Variants in AFF1 observed in about 807,000 individuals in gnomAD.
The protein encoded by AFF1 is ALF transcription elongation factor 1, also known as AF4/FMR2 family member 1.
A neutral mutation model predicts 121.7 loss-of-function variants in AFF1; 48 were observed. The observed-to-expected ratio is 0.39, with a 90% confidence interval of 0.31 to 0.50. The LOEUF is 0.50. Among genes scored for constraint, AFF1 ranks in the 20% least tolerant of loss-of-function variants. The pLI is 0.76. For missense variants in AFF1, 1,523 were observed against 1,511.7 expected (o/e 1.01, Z -0.12); for synonymous variants, 613 against 563.0 (o/e 1.09, Z -1.26).
chr4:87,077,350 C>T (rs1722769857), intron 4 of AFF1, among the ~76,000 whole-genome samples: 1 of 152,046 alleles, frequency 6.6e-6, no homozygotes, highest in Non-Finnish European at 1.5e-5. Context: ...GTGCCCAGAG[C>T]ACCAAGGTGT....
chr4:86,956,796 C>G (rs1215154358), intron 2 of AFF1, among the ~76,000 whole-genome samples: 1 of 152,138 alleles, frequency 6.6e-6, no homozygotes, highest in Non-Finnish European at 1.5e-5. Context: ...CATAGATGTG[C>G]CATCTTGTAC....
intron 10 of AFF1, among the ~76,000 whole-genome samples, chr4:87,106,075 A>T (rs1725881996): frequency 1.3e-5 from 2 of 152,224 alleles, no homozygotes; most frequent in Admixed American, 1.3e-4. Flanking sequence ...ATCAGTATAG[A>T]TGTTAAAGAT....
chr4:87,113,471 A>G (rs529250611), intron 11 of AFF1, among the ~76,000 whole-genome samples: 3 of 152,026 alleles, frequency 2.0e-5, no homozygotes, highest in Non-Finnish European at 2.9e-5. Flanking sequence ...AGGTATTGCT[A>G]TGTTGCCCAG....
At chr4:86,991,935 G>A (rs866114600) in intron 2 of AFF1, among the ~76,000 whole-genome samples, 4 of 148,532 alleles carry the variant, frequency 2.7e-5, no homozygotes, top group African/African-American at 7.5e-5. Flanking sequence ...GACACTTCTC[G>A]AGAAAACCAA....
chr4:87,005,166 G>GT (rs1553915691), intron 2 of AFF1, among the ~76,000 whole-genome samples: 6 of 152,158 alleles, frequency 3.9e-5, no homozygotes, highest in Non-Finnish European at 8.8e-5. Flanking sequence ...TGGTAGAAAT[G>GT]GGGTCTCACC....
At chr4:87,097,042 C>T (rs1724945677) in intron 8 of AFF1, among the ~76,000 whole-genome samples, 1 of 152,146 alleles carries the variant, frequency 6.6e-6, no homozygotes, top group South Asian at 2.1e-4. Flanking sequence ...GATCAAGGAC[C>T]ACAACTGTAA....
At chr4:86,949,521 A>AATTATT (rs527785303) in intron 2 of AFF1, 3,106 of 236,206 alleles carry the variant, frequency 0.013, 73 homozygotes, top group East Asian at 0.053. Context: ...TCTATTTATT[A>AATTATT]ATTATTATTA....
In AFF1 at chr4:87,138,025, T is replaced by TG. The variant is rs972998470; in HGVS notation, c.*2327dup. On this transcript the variant is annotated 3_prime_UTR_variant, in exon 21 of 21. Transcript: ENST00000395146. ...GCTTTTTCAGTGGCCTTACTCTTTG[T>TG]GGGTTTTTTTTTTTTTCTCTGAACT... 1.7e-4 allele frequency: 35 copies of TG among 206,532 alleles called. No homozygotes were observed. The highest frequency in any genetic ancestry group is 6.3e-4 in the African/African-American group (24 of 37,914). 12.8% of individuals were successfully genotyped at this position (206,532 alleles called of 1,614,324 possible).
intron 4 of AFF1, among the ~76,000 whole-genome samples, chr4:87,062,921 A>G (rs989646480): frequency 3.3e-5 from 5 of 152,204 alleles, no homozygotes; most frequent in African/African-American, 1.2e-4. Flanking sequence ...GGCATTATAT[A>G]TAGGTAGTGG....
chr4:87,003,852 G>T (rs924987870), intron 2 of AFF1, among the ~76,000 whole-genome samples: 1 of 152,120 alleles, frequency 6.6e-6, no homozygotes, highest in African/African-American at 2.4e-5. Context: ...GAAAATATGC[G>T]TACAAAGGTA....
chr4:87,098,891 A>C (rs964302232), intron 8 of AFF1, among the ~76,000 whole-genome samples: 1 of 152,236 alleles, frequency 6.6e-6, no homozygotes, highest in Non-Finnish European at 1.5e-5. Context: ...GGTGAGTCTG[A>C]TACCTTTTCA....
In AFF1 at chr4:87,047,120, G is replaced by C. The variant is rs780329770; in HGVS notation, c.585G>C (p.Ser195=). Residue 195 remains serine (S), a synonymous_variant, in exon 4 of 21, where the codon TCG becomes TCC. Coordinates refer to ENST00000395146, the MANE Select transcript of AFF1 (RefSeq NM_001166693.3). ...DRRADGDHCA[S]VTDSAPEREL... The stretch of plus-strand genomic sequence containing the variant: ...GAGCTGACGGAGACCACTGTGCTTC[G>C]GTGACAGATTCGGCTCCAGAGAGGG... The C allele has an allele frequency of 1.2e-6, 2 of 1,614,160 alleles. No homozygotes were observed. Among genetic ancestry groups the C allele is most frequent in the Non-Finnish European group, 1.7e-6 (2 of 1,180,038 alleles).
At chr4:87,085,023 G>C (rs1468790623) in intron 5 of AFF1, among the ~76,000 whole-genome samples, 1 of 152,240 alleles carries the variant, frequency 6.6e-6, no homozygotes, top group African/African-American at 2.4e-5. Flanking sequence ...GTGGGAAGTA[G>C]ATGGTCATCT....
Position 87,138,184 on chromosome 4 carries a change from T to A in AFF1, c.*2483T>A, listed in dbSNP as rs1328936027. 3 of 232,712 alleles carry A rather than the reference T, an allele frequency of 1.3e-5. No individual in the cohort carries two copies. The highest frequency in any genetic ancestry group is 2.5e-5 in the Non-Finnish European group (3 of 117,704). 14.4% of individuals were successfully genotyped at this position (232,712 alleles called of 1,614,324 possible). ...GGAGAGTAACTAATGGTAACCTTTT[T>A]AATAGAGTATGTGAAAGGTAGTGGC... On this transcript the variant is annotated 3_prime_UTR_variant, in exon 21 of 21. Transcript: ENST00000395146.
chr4:87,026,797 A>G (rs1728577040), intron 2 of AFF1, among the ~76,000 whole-genome samples: 1 of 152,212 alleles, frequency 6.6e-6, no homozygotes, highest in South Asian at 2.1e-4. Flanking sequence ...TTACTTATGT[A>G]AAATGCTTTT....
chr4:87,044,230 A>G (rs58317309), intron 2 of AFF1, among the ~76,000 whole-genome samples: 9,232 of 152,280 alleles, frequency 0.061, 572 homozygotes, highest in African/African-American at 0.15. Flanking sequence ...TACTTTTTAG[A>G]TGATTTTTTA....
At chr4:86,996,200 G>A (rs1159789005) in intron 2 of AFF1, among the ~76,000 whole-genome samples, 1 of 152,194 alleles carries the variant, frequency 6.6e-6, no homozygotes, top group African/African-American at 2.4e-5. Context: ...CCCTCTGCCT[G>A]GCCACCACCC....
intron 3 of AFF1, among the ~76,000 whole-genome samples, 183 bp from the exon 4 acceptor site, chr4:87,046,512 A>G (rs747636250): frequency 2.4e-4 from 37 of 152,336 alleles, no homozygotes; most frequent in Non-Finnish European, 5.1e-4. Flanking sequence ...AGTCTTCTAC[A>G]GTTAGTAATA....
At chr4:87,013,749 A>G (rs143609021) in intron 2 of AFF1, among the ~76,000 whole-genome samples, 2,091 of 151,456 alleles carry the variant, frequency 0.014, 32 homozygotes, top group Non-Finnish European at 0.018. Flanking sequence ...TTTAGGGGCA[A>G]TATGGTCATA....
Sources: allele counts gnomAD v4.1 joint callset (sites outside exome capture counted in the v4.1 genomes callset), GRCh38; gene constraint gnomAD v4.1.1; transcripts MANE v1.5; gene names NCBI Gene and HGNC (gene_info 2026-07-23, HGNC 2026-07-21).